NCK2: variants seen among roughly 807,000 people sequenced by gnomAD.
NCK2 encodes cytoplasmic protein NCK2.
NCK2 carries 16 observed loss-of-function variants against 33.9 expected under a neutral mutation model. That is an observed-to-expected ratio of 0.47 (90% CI 0.32 to 0.72). NCK2 has a LOEUF of 0.72. Among genes scored for constraint, NCK2 ranks in the 30% least tolerant of loss-of-function variants. NCK2 has a pLI of 0.03. For synonymous variants in NCK2, 273 were observed against 239.9 expected, an observed-to-expected ratio of 1.14 and a Z score of -1.27; for missense variants, 418 against 537.3, an observed-to-expected ratio of 0.78 and a Z score of 2.19.
intron 3 of NCK2, among the ~76,000 whole-genome samples, chr2:105,862,082 G>A (rs1046692892): frequency 6.6e-6 from 1 of 152,138 alleles, no homozygotes; most frequent in African/African-American, 2.4e-5. Context: ...GGGTTAGCCT[G>A]CATAAATACA....
In NCK2 at chr2:105,762,533, C is replaced by A. The variant is rs139551636; in HGVS notation, c.-201+17395C>A. 1.4e-4 allele frequency among the ~76,000 whole-genome samples: 21 copies of A among 152,250 alleles called. No individual in the cohort carries two copies. The East Asian group carries it at 4.1e-3, about 29-fold the overall frequency. On this transcript the variant is annotated intron_variant, in intron 1 of 4. Coordinates refer to ENST00000233154, the MANE Select transcript of NCK2 (RefSeq NM_003581.5). The stretch of plus-strand genomic sequence containing the variant: ...AAAGACGGTGTCCTGAACCATGGGC[C>A]TGTGGTGGTGAGTGCATGGAGGATA...
chr2:105,801,929 GCTGCAGGCCCATCTCC>G (rs1397544461), intron 1 of NCK2, among the ~76,000 whole-genome samples: 1 of 152,084 alleles, frequency 6.6e-6, no homozygotes. Context: ...ACCAGCTCAG[GCTGCAGGCCCATCTCC>G]CTGCATGGAG....
intron 1 of NCK2, among the ~76,000 whole-genome samples, chr2:105,759,183 G>A (rs565347182): frequency 6.6e-6 from 1 of 152,134 alleles, no homozygotes; most frequent in Non-Finnish European, 1.5e-5. Context: ...AGAATTTCAC[G>A]TGTTAAGTCC....
At chr2:105,804,302 A>G (rs188861271) in intron 1 of NCK2, among the ~76,000 whole-genome samples, 1 of 152,344 alleles carries the variant, frequency 6.6e-6, no homozygotes, top group East Asian at 1.9e-4. Context: ...TTTGCACTGG[A>G]TGAGGATTAT....
At chr2:105,773,544 A>G (rs1323780490) in intron 1 of NCK2, among the ~76,000 whole-genome samples, 4 of 152,086 alleles carry the variant, frequency 2.6e-5, no homozygotes, top group Non-Finnish European at 4.4e-5. Flanking sequence ...TGTGCTTCAT[A>G]CTTCATGTCT....
intron 2 of NCK2, among the ~76,000 whole-genome samples, chr2:105,843,624 G>T (rs1312510336): frequency 1.3e-5 from 2 of 152,184 alleles, no homozygotes; most frequent in Non-Finnish European, 2.9e-5. Flanking sequence ...ACGTCACAGG[G>T]ACACAGTAGC....
At chr2:105,794,737 G>A (rs1691015202) in intron 1 of NCK2, among the ~76,000 whole-genome samples, 1 of 150,812 alleles carries the variant, frequency 6.6e-6, no homozygotes, top group Non-Finnish European at 1.5e-5. Flanking sequence ...TTGAGACGGA[G>A]TCTTGCTCTG....
chr2:105,847,120 G>A (rs1455590835), intron 2 of NCK2: 1 of 152,168 alleles, frequency 6.6e-6, no homozygotes, highest in Middle Eastern at 3.2e-3. Context: ...AATTCGCAGG[G>A]ACAGAAAGTA....
chr2:105,757,477 A>G (rs1470760219), intron 1 of NCK2, among the ~76,000 whole-genome samples: 1 of 152,164 alleles, frequency 6.6e-6, no homozygotes, highest in Admixed American at 6.5e-5. Context: ...AGAGATGTAG[A>G]AAGGCTACGT....
chr2:105,865,860 T>A (rs1230362437), intron 3 of NCK2, among the ~76,000 whole-genome samples: 1 of 152,086 alleles, frequency 6.6e-6, no homozygotes, highest in Admixed American at 6.5e-5. Flanking sequence ...GCCTGAGTTT[T>A]ATAAAACTAT....
chr2:105,809,909 C>G (rs1573618563), intron 1 of NCK2, among the ~76,000 whole-genome samples: 2 of 152,096 alleles, frequency 1.3e-5, no homozygotes, highest in East Asian at 1.9e-4. Context: ...GAAGGCAGTT[C>G]CCAACACTGA....
At chr2:105,796,764 A>G (rs1182149942) in intron 1 of NCK2, among the ~76,000 whole-genome samples, 1 of 152,242 alleles carries the variant, frequency 6.6e-6, no homozygotes, top group African/African-American at 2.4e-5. Context: ...TGGAAAAATA[A>G]CTAAGCATTT....
intron 1 of NCK2, among the ~76,000 whole-genome samples, chr2:105,780,282 G>C (rs1481069213): frequency 6.6e-6 from 1 of 150,674 alleles, no homozygotes; most frequent in Non-Finnish European, 1.5e-5. Context: ...TAAATATTTA[G>C]ATGTCTGTCA....
At chr2:105,797,270 T>C (rs755895475) in intron 1 of NCK2, among the ~76,000 whole-genome samples, 22 of 152,162 alleles carry the variant, frequency 1.4e-4, no homozygotes, top group Admixed American at 7.9e-4. Flanking sequence ...ACCTTTAAAA[T>C]GGGATTCTGA....
In NCK2 at chr2:105,828,798, A is replaced by T. The variant is rs144983642; in HGVS notation, c.-17+12185A>T. ...TAAATTAGGCATGCTCTCTACAGGG[A>T]AGGACCATCACTCACTCATCTTTTC... On this transcript the variant is annotated intron_variant, in intron 2 of 4. Transcript: ENST00000233154. 2.1e-3 allele frequency among the ~76,000 whole-genome samples: 320 copies of T among 152,306 alleles called. 1 individual carries two copies. Among genetic ancestry groups the T allele is most frequent in the African/African-American group, 7.6e-3 (315 of 41,552 alleles).
At chr2:105,751,430 G>A (rs369783048) in intron 1 of NCK2, among the ~76,000 whole-genome samples, 10 of 152,222 alleles carry the variant, frequency 6.6e-5, no homozygotes, top group East Asian at 1.9e-4. Context: ...ACCTGCACAC[G>A]GTGGCTCTCC....
chr2:105,873,547 T>G (rs1165585472), intron 3 of NCK2, among the ~76,000 whole-genome samples: 1 of 152,168 alleles, frequency 6.6e-6, no homozygotes, highest in Non-Finnish European at 1.5e-5. Context: ...TTGGTCACTG[T>G]GTTCTTTTCA....
At position 105,806,534 on chromosome 2, in the gene NCK2, G is replaced by A. The variant is rs771228700; in HGVS notation, c.-200-9896G>A. Among the ~76,000 whole-genome samples, 7 of 152,104 alleles carry A rather than the reference G, an allele frequency of 4.6e-5. No individual in the cohort carries two copies. The South Asian group carries it at 1.0e-3, about 23-fold the overall frequency. ...ATTACAGGCGTGAGCCACCACTCCCGGCCACATATATTCTCTTCATTCATC... is the reference window on the plus strand; with the variant it reads ...ATTACAGGCGTGAGCCACCACTCCCAGCCACATATATTCTCTTCATTCATC... On this transcript the variant is annotated intron_variant, in intron 1 of 4. Coordinates refer to ENST00000233154, the MANE Select transcript of NCK2 (RefSeq NM_003581.5).
At chr2:105,829,622 G>A (rs1486947403) in intron 2 of NCK2, among the ~76,000 whole-genome samples, 1 of 152,056 alleles carries the variant, frequency 6.6e-6, no homozygotes, top group Non-Finnish European at 1.5e-5. Context: ...TCCCCCAATT[G>A]AGAGTTGTCT....
Sources: gnomAD v4.1 joint callset for allele counts (sites outside exome capture counted in the v4.1 genomes callset) on GRCh38, gnomAD v4.1.1 for gene constraint, MANE v1.5 for transcripts, NCBI Gene and HGNC (gene_info 2026-07-23, HGNC 2026-07-21) for gene names.